PRELID2: variants seen among roughly 807,000 people sequenced by gnomAD.
PRELID2 encodes the protein PRELI domain containing 2.
A neutral mutation model predicts 28.4 loss-of-function variants in PRELID2; 25 were observed. That is an observed-to-expected ratio of 0.88 (90% CI 0.64 to 1.23). The LOEUF (loss-of-function observed/expected upper bound fraction) is 1.23. PRELID2 is among the 50% of genes most tolerant of loss of function. The probability of loss-of-function intolerance (pLI) is 0.00; values close to 1 mark genes in which losing one functional copy is unlikely to be tolerated. For missense variants in PRELID2, 201 were observed against 214.4 expected, an observed-to-expected ratio of 0.94 and a Z score of 0.39; for synonymous variants, 76 against 71.6, an observed-to-expected ratio of 1.06 and a Z score of -0.31.
chr5:145,649,806 C>T (rs374655238), intron 1 of PRELID2, among the ~76,000 whole-genome samples: 2 of 152,142 alleles, frequency 1.3e-5, no homozygotes, highest in Admixed American at 6.5e-5. Flanking sequence ...ATTCCTTGAA[C>T]GTATTAATTG....
chr5:145,806,596 C>T (rs1487640028), intron 4 of PRELID2, among the ~76,000 whole-genome samples: 2 of 152,168 alleles, frequency 1.3e-5, no homozygotes, highest in African/African-American at 4.8e-5. Flanking sequence ...ATTGTAATTA[C>T]ATAAACCAGT....
intron 1 of PRELID2, among the ~76,000 whole-genome samples, chr5:145,703,434 T>G (rs1264095243): frequency 6.6e-6 from 1 of 152,186 alleles, no homozygotes; most frequent in Non-Finnish European, 1.5e-5. Flanking sequence ...CACAGTAGCT[T>G]CAGCTTTACT....
intron 1 of PRELID2, among the ~76,000 whole-genome samples, chr5:145,504,484 T>C (rs913568247): frequency 2.6e-5 from 4 of 152,200 alleles, no homozygotes; most frequent in African/African-American, 9.6e-5. Context: ...TTATCTTTCA[T>C]GTTCCAGATC....
chr5:145,725,306 C>T (rs1336870863), intron 1 of PRELID2, among the ~76,000 whole-genome samples: 1 of 152,172 alleles, frequency 6.6e-6, no homozygotes, highest in East Asian at 1.9e-4. Flanking sequence ...CACTTCACCT[C>T]TAACTCACAA....
intron 1 of PRELID2, among the ~76,000 whole-genome samples, chr5:145,632,734 T>A (rs541256217): frequency 1.3e-5 from 2 of 152,264 alleles, no homozygotes; most frequent in East Asian, 3.9e-4. Flanking sequence ...TGAGAGTGAG[T>A]TGGACTTATG....
intron 1 of PRELID2, among the ~76,000 whole-genome samples, chr5:145,561,603 A>G (rs955950271): frequency 6.6e-6 from 1 of 152,226 alleles, no homozygotes; most frequent in African/African-American, 2.4e-5. Context: ...GACAGAGGAC[A>G]ATTAGGACAA....
At chr5:145,689,631 C>T (rs1755104741) in intron 1 of PRELID2, among the ~76,000 whole-genome samples, 1 of 152,160 alleles carries the variant, frequency 6.6e-6, no homozygotes, top group Non-Finnish European at 1.5e-5. Flanking sequence ...CCTGACAGCT[C>T]TGGGGATAGG....
intron 1 of PRELID2, among the ~76,000 whole-genome samples, chr5:145,491,706 C>G (rs913553223): frequency 1.3e-5 from 2 of 151,878 alleles, no homozygotes; most frequent in South Asian, 2.1e-4. Flanking sequence ...TGTAACCCCC[C>G]CAGTACCCCC....
At chr5:145,740,828 A>T (rs1392400153) in intron 1 of PRELID2, among the ~76,000 whole-genome samples, 4 of 113,616 alleles carry the variant, frequency 3.5e-5, no homozygotes, top group African/African-American at 1.4e-4. Flanking sequence ...ATATATACAA[A>T]TATATATTTA....
intron 5 of PRELID2, among the ~76,000 whole-genome samples, chr5:145,775,199 C>T (rs1478231419): frequency 3.3e-5 from 5 of 152,004 alleles, no homozygotes; most frequent in African/African-American, 1.2e-4. Flanking sequence ...GAAATCAAGC[C>T]ACTGCACTCC....
chr5:145,391,459 C>G, the PRELID2 span, among the ~76,000 whole-genome samples: 2 of 152,214 alleles, frequency 1.3e-5, no homozygotes, highest in Non-Finnish European at 2.9e-5. Flanking sequence ...GGCCCGTGGC[C>G]TGGCCACATC....
chr5:145,656,194 A>ATT (rs1754390417), intron 1 of PRELID2, among the ~76,000 whole-genome samples: 1 of 152,224 alleles, frequency 6.6e-6, no homozygotes, highest in Non-Finnish European at 1.5e-5. Flanking sequence ...CATCAAAACC[A>ATT]CAGTGAGATA....
intron 1 of PRELID2, among the ~76,000 whole-genome samples, chr5:145,553,546 T>A (rs554145644): frequency 7.2e-5 from 11 of 152,306 alleles, no homozygotes; most frequent in African/African-American, 2.4e-4. Context: ...TTCATTTAAG[T>A]AAGTTCTATT....
intron 1 of PRELID2, among the ~76,000 whole-genome samples, chr5:145,590,571 T>C (rs1056176445): frequency 2.6e-5 from 4 of 152,306 alleles, no homozygotes; most frequent in African/African-American, 9.6e-5. Flanking sequence ...ACTACAATAA[T>C]AAAGAATTTT....
At chr5:145,429,256 T>C in the PRELID2 span, among the ~76,000 whole-genome samples, 1 of 152,178 alleles carries the variant, frequency 6.6e-6, no homozygotes. Flanking sequence ...AAAGTAATTG[T>C]ACCCTGGCCA....
At chr5:145,426,648 T>A in the PRELID2 span, among the ~76,000 whole-genome samples, 2 of 152,190 alleles carry the variant, frequency 1.3e-5, no homozygotes, top group Non-Finnish European at 2.9e-5. Context: ...TACATAATCT[T>A]GTGTGACTTT....
the PRELID2 span, among the ~76,000 whole-genome samples, chr5:145,301,933 T>TC: frequency 2.1e-5 from 3 of 142,468 alleles, no homozygotes; most frequent in East Asian, 3.9e-4. Context: ...TTCATTTCTT[T>TC]TTTTTTTTTT....
the PRELID2 span, among the ~76,000 whole-genome samples, chr5:145,236,434 GC>G: frequency 6.6e-6 from 1 of 152,116 alleles, no homozygotes. Flanking sequence ...AAAGGTAAAA[GC>G]CTCAGACATC....
chr5:145,514,662 C>T (rs1167988493), intron 1 of PRELID2, among the ~76,000 whole-genome samples: 1 of 152,146 alleles, frequency 6.6e-6, no homozygotes, highest in Non-Finnish European at 1.5e-5. Flanking sequence ...TAGACATCTA[C>T]AGAACTCTCC....
Sources: allele counts gnomAD v4.1 joint callset (sites outside exome capture counted in the v4.1 genomes callset), GRCh38; gene constraint gnomAD v4.1.1; transcripts MANE v1.5; gene names NCBI Gene and HGNC (gene_info 2026-07-23, HGNC 2026-07-21).